Variants in DLC1 observed in about 807,000 individuals in gnomAD.
DLC1 encodes rho GTPase-activating protein 7.
Under a neutral mutation model 140.3 loss-of-function variants are expected in DLC1, and 54 were observed. The observed-to-expected ratio is 0.38, with a 90% CI of 0.31 to 0.48. The LOEUF (loss-of-function observed/expected upper bound fraction) is 0.48. DLC1 is among the 20% of genes least tolerant of loss of function. The probability of loss-of-function intolerance (pLI) is 0.96; values close to 1 mark genes in which losing one functional copy is unlikely to be tolerated. For synonymous variants in DLC1, 986 were observed against 728.1 expected (o/e 1.35, Z -5.70); for missense variants, 2,536 against 1,907.0 (o/e 1.33, Z -6.14).
chr8:13,398,875 T>C (rs1837169141), intron 3 of DLC1, among the ~76,000 whole-genome samples: 1 of 152,150 alleles, frequency 6.6e-6, no homozygotes, highest in South Asian at 2.1e-4. Flanking sequence ...CTATAGCTAT[T>C]TGCAGGTGTG....
At chr8:13,246,458 C>A (rs1829765834) in intron 5 of DLC1, among the ~76,000 whole-genome samples, 1 of 150,850 alleles carries the variant, frequency 6.6e-6, no homozygotes, top group African/African-American at 2.4e-5. Context: ...TTTCTTTTTT[C>A]TGCGTAGATT....
chr8:13,489,505 C>T (rs1179255790), intron 2 of DLC1, among the ~76,000 whole-genome samples: 5 of 150,868 alleles, frequency 3.3e-5, no homozygotes. Context: ...TATGTGTACA[C>T]AGACACTTTT....
chr8:13,535,669 T>TTAAAAAA (rs1554540006), intron 1 of DLC1, among the ~76,000 whole-genome samples: 2 of 114,704 alleles, frequency 1.7e-5, no homozygotes, highest in Non-Finnish European at 3.4e-5. Flanking sequence ...CATTGCTCAT[T>TTAAAAAA]AAAAAAAAAA....
intron 2 of DLC1, among the ~76,000 whole-genome samples, chr8:13,403,946 T>C (rs548111940): frequency 1.3e-5 from 2 of 151,416 alleles, no homozygotes; most frequent in East Asian, 3.9e-4. Context: ...GGTTTCTTAA[T>C]GCATATTGTG....
intron 1 of DLC1, among the ~76,000 whole-genome samples, chr8:13,599,610 C>T (rs1805803664): frequency 6.6e-6 from 1 of 151,862 alleles, no homozygotes; most frequent in South Asian, 2.1e-4. Context: ...TTGAAGAAGT[C>T]ATTTATGAAG....
chr8:13,484,002 C>G (rs749086522), intron 2 of DLC1, among the ~76,000 whole-genome samples: 18 of 152,080 alleles, frequency 1.2e-4, no homozygotes, highest in Non-Finnish European at 2.1e-4. Context: ...ATCGATTGAA[C>G]CTGGGAGGCA....
chr8:13,149,538 C>T (rs1025295752), intron 5 of DLC1, among the ~76,000 whole-genome samples: 2 of 152,198 alleles, frequency 1.3e-5, no homozygotes, highest in Non-Finnish European at 2.9e-5. Flanking sequence ...TTCCTCATCT[C>T]AGTCTATAAA....
rs572726939 is a variant in DLC1, at chr8:13,153,090, G to T, written c.1349-37433C>A. On this transcript the variant is annotated intron_variant, in intron 5 of 17. Transcript: ENST00000276297. ...ATACTGTGCCTGGAATTGGTGGGTT[G>T]TTGGTCTCACTGACTTCAAGAACGA... is the stretch of plus-strand genomic sequence containing the variant. Among the ~76,000 whole-genome samples the T allele has an allele frequency of 5.9e-5, 9 of 152,304 alleles. No individual in the cohort carries two copies. In the East Asian group the frequency reaches 1.7e-3, roughly 29 times the overall value.
chr8:13,231,430 G>A (rs540199351), intron 5 of DLC1, among the ~76,000 whole-genome samples: 5 of 152,310 alleles, frequency 3.3e-5, no homozygotes, highest in African/African-American at 1.2e-4. Context: ...TTTGTTAAAT[G>A]AGATGATTTC....
intron 5 of DLC1, among the ~76,000 whole-genome samples, chr8:13,127,125 C>T (rs1420225857): frequency 6.6e-6 from 1 of 152,224 alleles, no homozygotes; most frequent in African/African-American, 2.4e-5. Context: ...GTAAGATTTG[C>T]TGTGTTCTAG....
intron 5 of DLC1, among the ~76,000 whole-genome samples, chr8:13,145,427 C>G (rs1047093707): frequency 1.3e-5 from 2 of 152,164 alleles, no homozygotes; most frequent in African/African-American, 4.8e-5. Context: ...GTGTATATTT[C>G]TCATAGAAAG....
chr8:13,368,424 A>C (rs562009413), intron 4 of DLC1, among the ~76,000 whole-genome samples: 1 of 152,288 alleles, frequency 6.6e-6, no homozygotes, highest in Admixed American at 6.5e-5. Flanking sequence ...GCAGCACAAC[A>C]AGAAGGTCAA....
At chr8:13,087,574 A>C (rs1335160764) in intron 16 of DLC1, among the ~76,000 whole-genome samples, 1 of 152,236 alleles carries the variant, frequency 6.6e-6, no homozygotes, top group African/African-American at 2.4e-5. Context: ...CTGCTGAATG[A>C]GGAACTCTGT....
At chr8:13,569,892 T>C (rs910271924) in intron 1 of DLC1, among the ~76,000 whole-genome samples, 13 of 152,144 alleles carry the variant, frequency 8.5e-5, no homozygotes, top group Non-Finnish European at 2.9e-5. Context: ...TGGCTAAATT[T>C]CTTTATTTGT....
intron 2 of DLC1, among the ~76,000 whole-genome samples, chr8:13,443,173 G>A (rs1224560444): frequency 7.0e-6 from 1 of 142,008 alleles, no homozygotes; most frequent in East Asian, 2.1e-4. Context: ...ATGGACACAG[G>A]AAGGGAAACA....
chr8:13,508,423 C>CTTT (rs11295861), intron 1 of DLC1, among the ~76,000 whole-genome samples: 110,954 of 146,202 alleles, frequency 0.76, 44,644 homozygotes, highest in Non-Finnish European at 0.92. Flanking sequence ...ACTTCTTTTT[C>CTTT]TTTTTTTTTT....
At chr8:13,456,377 A>G (rs1291475896) in intron 2 of DLC1, among the ~76,000 whole-genome samples, 1 of 152,184 alleles carries the variant, frequency 6.6e-6, no homozygotes, top group Admixed American at 6.5e-5. Flanking sequence ...GAAAGCAGGA[A>G]TTATGTGCTA....
At chr8:13,157,991 A>G (rs1824383958) in intron 5 of DLC1, among the ~76,000 whole-genome samples, 1 of 152,364 alleles carries the variant, frequency 6.6e-6, no homozygotes, top group East Asian at 1.9e-4. Flanking sequence ...ACGAGATATC[A>G]TGGGAATATT....
chr8:13,212,223 G>T (rs1266612454), intron 5 of DLC1, among the ~76,000 whole-genome samples: 1 of 152,130 alleles, frequency 6.6e-6, no homozygotes, highest in Non-Finnish European at 1.5e-5. Flanking sequence ...ATATCAGGAT[G>T]ACCAACCAGC....
Sources: allele counts gnomAD v4.1 joint callset (sites outside exome capture counted in the v4.1 genomes callset), GRCh38; gene constraint gnomAD v4.1.1; transcripts MANE v1.5; gene names NCBI Gene and HGNC (gene_info 2026-07-23, HGNC 2026-07-21).